Variants in ZZEF1 observed in about 807,000 individuals in gnomAD.
The protein encoded by ZZEF1 is zinc finger ZZ-type and EF-hand domain-containing protein 1.
Under a neutral mutation model 342.8 loss-of-function variants are expected in ZZEF1, and 157 were observed. The ratio of observed to expected loss-of-function variants is 0.46; its 90% CI spans 0.40 to 0.52. The LOEUF (loss-of-function observed/expected upper bound fraction) is 0.52. ZZEF1 is among the 20% of genes least tolerant of loss of function. The pLI, the probability that ZZEF1 is intolerant of heterozygous loss-of-function variation, is 0.00. For synonymous variants in ZZEF1, 1,505 were observed against 1,429.1 expected (o/e 1.05, Z -1.20); for missense variants, 3,480 against 3,725.6 (o/e 0.93, Z 1.72).
At position 4,109,661 on chromosome 17, in the gene ZZEF1, G is replaced by T; in HGVS notation, c.1269C>A (p.His423Gln). Residue 423 changes from histidine (H) to glutamine (Q), a missense_variant, in exon 6 of 55, where the codon CAC becomes CAA. By Grantham distance (24) the His-to-Gln change is conservative. This residue lies in a region of ZZEF1 where 1,528 missense variants were observed against 1,624.1 expected (regional missense o/e 0.94). Coordinates refer to ENST00000381638, the MANE Select transcript of ZZEF1 (RefSeq NM_015113.4). ...TNPAFVQTVLHNTQKALRHMP... is the reference protein window; with the variant it reads ...TNPAFVQTVLQNTQKALRHMP... Reference sequence around the variant, plus strand: ...TAGAGAGAATGACTTACTGAGTATTGTGCAGCACTGTCTGGACAAAGGCGG... The same window carrying T: ...TAGAGAGAATGACTTACTGAGTATTTTGCAGCACTGTCTGGACAAAGGCGG... The T allele has an allele frequency of 1.2e-6, 2 of 1,614,108 alleles. No homozygotes were observed. The highest frequency in any genetic ancestry group is 8.5e-7 in the Non-Finnish European group (1 of 1,179,988).
At position 4,013,598 on chromosome 17, in the gene ZZEF1, C is replaced by T. The variant is rs2056024379; in HGVS notation, c.8430G>A (p.Lys2810=). The T allele has an allele frequency of 1.9e-6, 3 of 1,612,596 alleles. No homozygotes were observed. The highest frequency in any genetic ancestry group is 2.5e-6 in the Non-Finnish European group (3 of 1,179,086). The change falls in exon 52 of 55, where the codon AAG becomes AAA. Residue 2810 remains lysine, a synonymous_variant. Coordinates refer to ENST00000381638, the MANE Select transcript of ZZEF1 (RefSeq NM_015113.4). ...CGACCCTTTCTTCTGACAACATCTG[C>T]TTCAAAATCTCGAATCCTGGCCAAC... The part of the protein sequence containing the change: ...GRFQTGFEIL[K]QMLSEERVVP...
At position 4,032,891 on chromosome 17, in the gene ZZEF1, C is replaced by T; in HGVS notation, c.6696G>A (p.Gln2232=). ...IATFTDHCIK[Q]LPFQLKHTNI... ...TGGTGTGCTTCAGCTGGAATGGCAG[C>T]TGCTTGATGCAGTGGTCTGTGAAGG... The change falls in exon 41 of 55, where the codon CAG becomes CAA. Residue 2232 remains glutamine (Q), a synonymous_variant. Coordinates refer to ENST00000381638, the MANE Select transcript of ZZEF1 (RefSeq NM_015113.4). 1 of 1,614,168 alleles carries T rather than the reference C, an allele frequency of 6.2e-7. No individual in the cohort carries two copies. Among genetic ancestry groups the T allele is most frequent in the Non-Finnish European group, 8.5e-7 (1 of 1,180,024 alleles).
intron 8 of ZZEF1, 117 bp from the exon 9 acceptor site, chr17:4,102,532 CCT>C (rs2058144408): frequency 1.2e-6 from 1 of 829,632 alleles, no homozygotes; most frequent in Non-Finnish European, 1.9e-6. Context: ...TAAAAATCTC[CCT>C]GTTTAAAAGC....
intron 2 of ZZEF1, 127 bp downstream of exon 2, chr17:4,123,780 A>C (rs866200815): frequency 9.0e-5 from 95 of 1,054,998 alleles, no homozygotes; most frequent in Non-Finnish European, 1.2e-4. Flanking sequence ...ATGCTAATTC[A>C]GATCGGGAGC....
chr17:4,051,313 G>C (rs2057040994), intron 35 of ZZEF1, among the ~76,000 whole-genome samples: 1 of 152,198 alleles, frequency 6.6e-6, no homozygotes, highest in South Asian at 2.1e-4. Context: ...TGTGATTTTG[G>C]AAGGTGTGGT....
Position 4,104,622 on chromosome 17 carries a change from A to G in ZZEF1, c.1573+11T>C, listed in dbSNP as rs149039735. On this transcript the variant is annotated intron_variant, in intron 8 of 54. Coordinates refer to ENST00000381638, the MANE Select transcript of ZZEF1 (RefSeq NM_015113.4). ...GACATTTCTATCACCCCCATGTTTTACCATATTTACCATATTTGAGGAGCA... is the reference window on the plus strand; with the variant it reads ...GACATTTCTATCACCCCCATGTTTTGCCATATTTACCATATTTGAGGAGCA... 2 of 1,612,598 alleles carry G rather than the reference A, an allele frequency of 1.2e-6. No individual in the cohort carries two copies. Among genetic ancestry groups the G allele is most frequent in the East Asian group, 4.5e-5 (2 of 44,872 alleles).
At chr17:4,035,665 C>T (rs1469915198) in intron 39 of ZZEF1, among the ~76,000 whole-genome samples, 1 of 152,216 alleles carries the variant, frequency 6.6e-6, no homozygotes, top group Non-Finnish European at 1.5e-5. Flanking sequence ...GAGGTGAGGG[C>T]ATCTGCGCGG....
chr17:4,089,057 A>T (rs889610235), intron 12 of ZZEF1, among the ~76,000 whole-genome samples, 164 bp from the exon 13 acceptor site: 2 of 152,224 alleles, frequency 1.3e-5, no homozygotes, highest in African/African-American at 4.8e-5. Flanking sequence ...CAGCATTTAC[A>T]GTACAGAGAA....
chr17:4,125,796 G>A (rs904486510), intron 1 of ZZEF1, among the ~76,000 whole-genome samples: 1 of 152,188 alleles, frequency 6.6e-6, no homozygotes, highest in African/African-American at 2.4e-5. Context: ...GCAGAGAAAA[G>A]AGGCCTGGGA....
rs557423636 is a variant in ZZEF1 at position 4,074,327 on chromosome 17, G to A, written c.3508C>T (p.Arg1170Trp). The A allele has an allele frequency of 1.8e-5, 29 of 1,614,182 alleles. No homozygotes were observed. The East Asian group carries it at 2.5e-4, about 14-fold the overall frequency. Reference sequence around the variant, plus strand: ...TCAGAGTGAAAGAGGAACTGCAACCGAGGACCGGCCTTGAAGGTCACTTTC... The same window carrying A: ...TCAGAGTGAAAGAGGAACTGCAACCAAGGACCGGCCTTGAAGGTCACTTTC... Reference protein sequence around the residue: ...PKKVTFKAGPRLQFLFHSDSS... With the variant: ...PKKVTFKAGPWLQFLFHSDSS... The change falls in exon 24 of 55, where the codon CGG becomes TGG. Residue 1170 changes from arginine to tryptophan, a missense_variant. By Grantham distance (101) the Arg-to-Trp change is moderately radical. Coordinates refer to ENST00000381638, the MANE Select transcript of ZZEF1 (RefSeq NM_015113.4).
chr17:4,076,594 C>T, intron 21 of ZZEF1, 43 bp downstream of exon 21: 1 of 1,585,936 alleles, frequency 6.3e-7, no homozygotes, highest in Non-Finnish European at 8.6e-7. Context: ...CCCATCACTC[C>T]TGAGAGAGAA....
At chr17:4,114,785 ACT>A (rs967885110) in intron 3 of ZZEF1, among the ~76,000 whole-genome samples, 1 of 152,182 alleles carries the variant, frequency 6.6e-6, no homozygotes, top group African/African-American at 2.4e-5. Context: ...TTCTTTAATC[ACT>A]GATATATTTG....
chr17:4,038,229 G>A (rs188811971), intron 39 of ZZEF1, among the ~76,000 whole-genome samples: 56 of 152,302 alleles, frequency 3.7e-4, no homozygotes, highest in African/African-American at 1.3e-3. Context: ...AAACATTGCA[G>A]AAACTGTTTG....
intron 24 of ZZEF1, among the ~76,000 whole-genome samples, chr17:4,073,592 C>T (rs1287541027): frequency 6.6e-6 from 1 of 152,104 alleles, no homozygotes; most frequent in Non-Finnish European, 1.5e-5. Flanking sequence ...TATGCCACCA[C>T]ACCTGGCTAA....
chr17:4,100,791 T>A (rs1398431807), intron 9 of ZZEF1, among the ~76,000 whole-genome samples: 1 of 152,064 alleles, frequency 6.6e-6, no homozygotes, highest in Non-Finnish European at 1.5e-5. Flanking sequence ...GCCAAGATCA[T>A]ACCACTGCAC....
intron 16 of ZZEF1, among the ~76,000 whole-genome samples, chr17:4,083,766 T>C (rs1270351107): frequency 4.0e-5 from 6 of 151,846 alleles, no homozygotes; most frequent in African/African-American, 1.5e-4. Flanking sequence ...ACCTCCCGAG[T>C]AGCTGGGACT....
intron 1 of ZZEF1, among the ~76,000 whole-genome samples, chr17:4,131,707 G>A (rs1386269398): frequency 6.6e-6 from 1 of 152,002 alleles, no homozygotes; most frequent in African/African-American, 2.4e-5. Context: ...TTGAGCCTAG[G>A]GGGTCGAGGT....
intron 45 of ZZEF1, 55 bp from the exon 46 acceptor site, chr17:4,019,824 A>G (rs2056220661): frequency 7.4e-7 from 1 of 1,344,864 alleles, no homozygotes; most frequent in African/African-American, 1.5e-5. Context: ...TCAATACGGT[A>G]TTGATCAACT....
chr17:4,081,413 G>T lies in ZZEF1; in HGVS notation c.2792C>A (p.Ala931Glu). 2 of 1,613,854 alleles carry T rather than the reference G, an allele frequency of 1.2e-6. No individual in the cohort carries two copies. The highest frequency in any genetic ancestry group is 1.7e-6 in the Non-Finnish European group (2 of 1,179,998). Reference sequence around the variant, plus strand: ...AACAGAGACGAGAGTGTCCATGACCGCCAGGACTTCACTGATGTTCATCTT... The same window carrying T: ...AACAGAGACGAGAGTGTCCATGACCTCCAGGACTTCACTGATGTTCATCTT... ...LAKMNISEVL[A>E]VMDTLVSVAA... The change falls in exon 18 of 55, where the codon GCG becomes GAG. Residue 931 changes from alanine (A) to glutamate (E), a missense_variant. Physicochemically the swap from Ala to Glu is moderately radical, Grantham distance 107. Coordinates refer to ENST00000381638, the MANE Select transcript of ZZEF1 (RefSeq NM_015113.4).
Sources: allele counts gnomAD v4.1 joint callset (sites outside exome capture counted in the v4.1 genomes callset), GRCh38; gene constraint gnomAD v4.1.1; regional missense constraint gnomAD v4.1.1; transcripts MANE v1.5; gene names NCBI Gene and HGNC (gene_info 2026-07-23, HGNC 2026-07-21).